Variants in CA5A observed in about 807,000 individuals in gnomAD.
CA5A encodes the protein carbonic anhydrase 5A, also known as carbonic anhydrase 5A, mitochondrial.
CA5A carries 28 observed loss-of-function variants against 37.1 expected under a neutral mutation model. The ratio of observed to expected loss-of-function variants is 0.75; its 90% CI spans 0.56 to 1.03. CA5A has a LOEUF of 1.03. Among genes scored for constraint, CA5A ranks in the 50% least tolerant of loss-of-function variants. CA5A has a pLI of 0.00. For synonymous variants in CA5A, 171 were observed against 158.4 expected, an observed-to-expected ratio of 1.08 and a Z score of -0.60; for missense variants, 444 against 399.9, an observed-to-expected ratio of 1.11 and a Z score of -0.94.
chr16:87,892,546 T>G (rs1597542842), intron 5 of CA5A, among the ~76,000 whole-genome samples: 1 of 134,662 alleles, frequency 7.4e-6, no homozygotes. Context: ...ATAATAATAA[T>G]AATAATAATA....
intron 1 of CA5A, among the ~76,000 whole-genome samples, chr16:87,930,460 C>A (rs545402769): frequency 6.6e-6 from 1 of 152,154 alleles, no homozygotes; most frequent in African/African-American, 2.4e-5. Context: ...AGGACCTCCC[C>A]CCTCCGGACC....
chr16:87,922,750 C>T (rs1309786629), intron 2 of CA5A, among the ~76,000 whole-genome samples: 1 of 152,258 alleles, frequency 6.6e-6, no homozygotes, highest in Admixed American at 6.5e-5. Context: ...GTGCTTCCTT[C>T]TCTGCATGGA....
At position 87,904,842 on chromosome 16, in the gene CA5A, C is replaced by T. The variant is rs775239989; in HGVS notation, c.403G>A (p.Ala135Thr). 2.5e-6 allele frequency: 4 copies of T among 1,613,566 alleles called. No homozygotes were observed. In the African/African-American group the frequency reaches 5.3e-5, roughly 22 times the overall value. Residue 135 changes from alanine (A) to threonine (T), a missense_variant, in exon 3 of 7, where the codon GCA (alanine) becomes ACA (threonine). By Grantham distance (58) the Ala-to-Thr change is moderately conservative. Transcript: ENST00000649794. Reference protein sequence around the residue: ...RLKQFHFHWGAVNEGGSEHTV... With the variant: ...RLKQFHFHWGTVNEGGSEHTV... Reference sequence around the variant, plus strand: ...TGCTCTGAGCCCCCCTCGTTCACTGCTCCCCAGTGGAAGTGAAATTGCTTC... The same window carrying T: ...TGCTCTGAGCCCCCCTCGTTCACTGTTCCCCAGTGGAAGTGAAATTGCTTC...
chr16:87,889,828 G>T (rs1337046202), intron 6 of CA5A, among the ~76,000 whole-genome samples: 1 of 152,184 alleles, frequency 6.6e-6, no homozygotes, highest in African/African-American at 2.4e-5. Flanking sequence ...TATCTCACTT[G>T]TTCACAGAAT....
intron 5 of CA5A, among the ~76,000 whole-genome samples, chr16:87,901,492 C>T (rs773841861): frequency 9.2e-5 from 14 of 152,230 alleles, no homozygotes; most frequent in Non-Finnish European, 1.9e-4. Context: ...AGCCCCTTGG[C>T]GGGGCTCTTT....
rs563731930 is a variant in CA5A at position 87,892,942 on chromosome 16, C to T, written c.619-988G>A. 175 of 822,540 alleles carry T rather than the reference C, an allele frequency of 2.1e-4. 2 individuals carry two copies. The South Asian group carries it at 2.4e-3, about 11-fold the overall frequency. 51.0% of individuals were successfully genotyped at this position (822,540 alleles called of 1,614,324 possible). On this transcript the variant is annotated intron_variant, in intron 5 of 6. Transcript: ENST00000649794. ...AAGTGCTGGGGTGAGCCACTGTGCC[C>T]GGCCTATGGGCTCCTTTTTAAGGAG...
intron 5 of CA5A, among the ~76,000 whole-genome samples, chr16:87,901,645 A>G (rs1322693303): frequency 6.6e-6 from 1 of 151,220 alleles, no homozygotes; most frequent in African/African-American, 2.4e-5. Context: ...CTGGAGTGCA[A>G]TGACACGATC....
At chr16:87,924,138 G>T (rs910345451) in intron 2 of CA5A, 2 of 985,310 alleles carry the variant, frequency 2.0e-6, no homozygotes, top group Non-Finnish European at 2.4e-6. Context: ...AGATCTGGTT[G>T]TCCCACTTTC....
chr16:87,914,888 C>T (rs2144015792), intron 2 of CA5A, among the ~76,000 whole-genome samples: 1 of 152,300 alleles, frequency 6.6e-6, no homozygotes, highest in South Asian at 2.1e-4. Flanking sequence ...AGCCATGAGC[C>T]AGGAACAGAG....
chr16:87,894,860 CAG>C (rs58081897), intron 5 of CA5A, among the ~76,000 whole-genome samples: 19,370 of 151,950 alleles, frequency 0.13, 2,077 homozygotes, highest in African/African-American at 0.3. Flanking sequence ...GCCTGGGCAA[CAG>C]AGAGAGAGAC....
chr16:87,933,593 G>A (rs2056435224), intron 1 of CA5A, among the ~76,000 whole-genome samples: 2 of 151,382 alleles, frequency 1.3e-5, no homozygotes, highest in South Asian at 4.2e-4. Context: ...ATGTTGCCCA[G>A]GCTGATCTTG....
chr16:87,901,546 A>G (rs2055878219), intron 5 of CA5A, among the ~76,000 whole-genome samples: 2 of 151,810 alleles, frequency 1.3e-5, no homozygotes, highest in East Asian at 1.9e-4. Flanking sequence ...TCGCTGCACT[A>G]AACAATTTTG....
chr16:87,921,085 AC>A (rs1289073507), intron 2 of CA5A, among the ~76,000 whole-genome samples: 8 of 151,454 alleles, frequency 5.3e-5, no homozygotes, highest in African/African-American at 1.9e-4. Context: ...GAGCCACTGC[AC>A]CCGGCCAATT....
intron 5 of CA5A, chr16:87,893,758 G>A: frequency 2.2e-6 from 1 of 447,964 alleles, no homozygotes; most frequent in Admixed American, 2.7e-5. Flanking sequence ...GGATTATTTT[G>A]CATTGAATAC....
At chr16:87,913,342 A>G (rs142588987) in intron 2 of CA5A, among the ~76,000 whole-genome samples, 2,368 of 138,856 alleles carry the variant, frequency 0.017, 74 homozygotes, top group African/African-American at 0.066. Flanking sequence ...TCATTCTGTC[A>G]CCCAGGCTGG....
At chr16:87,906,949 G>A (rs1221092953) in intron 2 of CA5A, among the ~76,000 whole-genome samples, 1 of 152,096 alleles carries the variant, frequency 6.6e-6, no homozygotes, top group Admixed American at 6.6e-5. Flanking sequence ...AGGCACAGTG[G>A]CTCACGCCTG....
At chr16:87,928,988 C>G (rs1433596065) in intron 1 of CA5A, among the ~76,000 whole-genome samples, 1 of 149,612 alleles carries the variant, frequency 6.7e-6, no homozygotes, top group African/African-American at 2.4e-5. Context: ...CCAGGATGGT[C>G]TCCATCTCCT....
chr16:87,930,075 T>C (rs1475176264), intron 1 of CA5A, among the ~76,000 whole-genome samples: 1 of 152,120 alleles, frequency 6.6e-6, no homozygotes, highest in African/African-American at 2.4e-5. Flanking sequence ...ATTTTAATTT[T>C]CTCTCTTGGT....
intron 5 of CA5A, chr16:87,893,884 C>T (rs959086620): frequency 3.0e-5 from 7 of 234,602 alleles, no homozygotes; most frequent in African/African-American, 4.7e-5. Context: ...GCGATCCCCC[C>T]GCCTCAGTTT....
Sources: allele counts gnomAD v4.1 joint callset (sites outside exome capture counted in the v4.1 genomes callset), GRCh38; gene constraint gnomAD v4.1.1; transcripts MANE v1.5; gene names NCBI Gene and HGNC (gene_info 2026-07-23, HGNC 2026-07-21).